The following ALPK2 variants were observed in gnomAD, a reference collection of about 807,000 sequenced individuals.
ALPK2 encodes alpha-protein kinase 2.
A neutral mutation model predicts 163.1 loss-of-function variants in ALPK2; 127 were observed. That is an observed-to-expected ratio of 0.78 (90% CI 0.67 to 0.90). ALPK2 has a LOEUF of 0.90. ALPK2 is among the 40% of genes least tolerant of loss of function. The probability of loss-of-function intolerance (pLI) is 0.00; values close to 1 mark genes in which losing one functional copy is unlikely to be tolerated. For missense variants in ALPK2, 2,360 were observed against 2,589.6 expected (o/e 0.91, Z 1.92); for synonymous variants, 953 against 959.1 (o/e 0.99, Z 0.12).
chr18:58,491,807 G>T (rs55672910), intron 12 of ALPK2, among the ~76,000 whole-genome samples: 14 of 152,196 alleles, frequency 9.2e-5, no homozygotes, highest in Non-Finnish European at 5.9e-5. Context: ...GAGAACTTGT[G>T]GGGCGGTTAC....
chr18:58,491,869 G>A (rs572890963), intron 12 of ALPK2, among the ~76,000 whole-genome samples: 2 of 152,370 alleles, frequency 1.3e-5, no homozygotes, highest in East Asian at 1.9e-4. Context: ...GGAGAAGCGC[G>A]TCAGCATTCC....
intron 3 of ALPK2, among the ~76,000 whole-genome samples, chr18:58,601,796 CCAGCCCA>C (rs1177595559): frequency 1.3e-5 from 2 of 152,190 alleles, no homozygotes; most frequent in African/African-American, 4.8e-5. Flanking sequence ...AACCAGCCCG[CCAGCCCA>C]CAGACCCATG....
At chr18:58,513,863 C>A (rs1274943796) in intron 10 of ALPK2, among the ~76,000 whole-genome samples, 1 of 152,118 alleles carries the variant, frequency 6.6e-6, no homozygotes, top group Non-Finnish European at 1.5e-5. Context: ...AGAGGGAGAC[C>A]ATGTCTCTTA....
intron 11 of ALPK2, among the ~76,000 whole-genome samples, chr18:58,501,738 T>A (rs1441211438): frequency 6.6e-6 from 1 of 152,186 alleles, no homozygotes; most frequent in East Asian, 1.9e-4. Flanking sequence ...CAGTTTTCTC[T>A]TCTGTAAAAT....
intron 10 of ALPK2, among the ~76,000 whole-genome samples, chr18:58,511,315 G>A (rs1407306445): frequency 5.9e-5 from 9 of 152,104 alleles, no homozygotes; most frequent in African/African-American, 1.9e-4. Flanking sequence ...TTTTTGCATC[G>A]ATGTTCATAA....
At chr18:58,500,664 C>T (rs1474873618) in intron 11 of ALPK2, among the ~76,000 whole-genome samples, 1 of 152,112 alleles carries the variant, frequency 6.6e-6, no homozygotes. Flanking sequence ...GTGGCTCATG[C>T]CTGTAATCCC....
intron 12 of ALPK2, among the ~76,000 whole-genome samples, chr18:58,488,910 C>A (rs1416530626): frequency 6.6e-6 from 1 of 152,100 alleles, no homozygotes; most frequent in Non-Finnish European, 1.5e-5. Context: ...TCCCGGAGTG[C>A]CACTCATACC....
At chr18:58,573,178 T>TTATATA (rs1420635489) in intron 4 of ALPK2, among the ~76,000 whole-genome samples, 1 of 146,904 alleles carries the variant, frequency 6.8e-6, no homozygotes, top group Non-Finnish European at 1.5e-5. Context: ...GAATGCAGCA[T>TTATATA]TATATATGTA....
chr18:58,511,227 G>A (rs2051488769), intron 10 of ALPK2, among the ~76,000 whole-genome samples: 1 of 152,106 alleles, frequency 6.6e-6, no homozygotes, highest in African/African-American at 2.4e-5. Context: ...TGCATCCCAG[G>A]GATGAAGCCC....
At chr18:58,617,582 TC>T (rs2052176649) in intron 1 of ALPK2, among the ~76,000 whole-genome samples, 1 of 152,228 alleles carries the variant, frequency 6.6e-6, no homozygotes, top group Non-Finnish European at 1.5e-5. Flanking sequence ...AGGTAAAGTC[TC>T]CCAGAGGCAT....
At chr18:58,507,293 G>A (rs146136573) in intron 10 of ALPK2, among the ~76,000 whole-genome samples, 165 of 152,258 alleles carry the variant, frequency 1.1e-3, no homozygotes, top group African/African-American at 4.0e-3. Context: ...ATGCAAAGAC[G>A]TGACCAGCTG....
intron 12 of ALPK2, among the ~76,000 whole-genome samples, chr18:58,489,532 T>A (rs2144098536): frequency 6.6e-6 from 1 of 151,728 alleles, no homozygotes; most frequent in Non-Finnish European, 1.5e-5. Flanking sequence ...CAAAAAAAAA[T>A]TAAAAATAGC....
chr18:58,554,637 T>C (rs1405290063), intron 4 of ALPK2, among the ~76,000 whole-genome samples: 4 of 152,202 alleles, frequency 2.6e-5, no homozygotes, highest in Non-Finnish European at 5.9e-5. Context: ...TGTGCTTCAG[T>C]TGGTCCTTTC....
chr18:58,552,519 G>A (rs2051765286), intron 4 of ALPK2, among the ~76,000 whole-genome samples: 1 of 152,220 alleles, frequency 6.6e-6, no homozygotes, highest in Non-Finnish European at 1.5e-5. Flanking sequence ...AGGGACAAGT[G>A]TATCAAGGAA....
At chr18:58,611,912 G>A in intron 1 of ALPK2, 95 bp from the exon 2 acceptor site, 1 of 742,240 alleles carries the variant, frequency 1.3e-6, no homozygotes, top group Non-Finnish European at 2.1e-6. Flanking sequence ...CGCCCTGGCA[G>A]CTCACTGCAC....
chr18:58,605,364 T>C (rs961863339), intron 3 of ALPK2, among the ~76,000 whole-genome samples: 6 of 152,212 alleles, frequency 3.9e-5, no homozygotes, highest in African/African-American at 4.8e-5. Context: ...TTTGCTAACA[T>C]TGATCTAGAT....
rs1287859632 is a variant in ALPK2, at chr18:58,481,629, G to A, written c.*194C>T. ...ATTCAATCTCCCCATAAACCTGGTCGCAAATCCTGTTCTGAAATCATTTGA... is the reference window on the plus strand; with the variant it reads ...ATTCAATCTCCCCATAAACCTGGTCACAAATCCTGTTCTGAAATCATTTGA... On this transcript the variant is annotated 3_prime_UTR_variant, in exon 13 of 13. Transcript: ENST00000361673. The A allele has an allele frequency of 3.2e-5, 19 of 598,018 alleles. No homozygotes were observed. The highest frequency in any genetic ancestry group is 1.4e-4 in the East Asian group (5 of 35,424). 37.0% of individuals were successfully genotyped at this position (598,018 alleles called of 1,614,324 possible).
At chr18:58,495,394 A>G (rs2051396520) in intron 12 of ALPK2, among the ~76,000 whole-genome samples, 1 of 152,110 alleles carries the variant, frequency 6.6e-6, no homozygotes, top group African/African-American at 2.4e-5. Flanking sequence ...GCAATGAGTA[A>G]GTAATACTTT....
intron 9 of ALPK2, among the ~76,000 whole-genome samples, chr18:58,516,154 G>A (rs2051520230): frequency 6.6e-6 from 1 of 151,852 alleles, no homozygotes; most frequent in South Asian, 2.1e-4. Flanking sequence ...AGGAGGCCGA[G>A]ACTGCTGTGG....
Sources: gnomAD v4.1 joint callset for allele counts (sites outside exome capture counted in the v4.1 genomes callset) on GRCh38, gnomAD v4.1.1 for gene constraint, MANE v1.5 for transcripts, NCBI Gene and HGNC (gene_info 2026-07-23, HGNC 2026-07-21) for gene names.